Variants in ANKRD17 observed in about 807,000 individuals in gnomAD.
The protein encoded by ANKRD17 is ankyrin repeat domain-containing protein 17.
A neutral mutation model predicts 229.7 loss-of-function variants in ANKRD17; 19 were observed. That is an observed-to-expected ratio of 0.08 (90% CI 0.06 to 0.12). The LOEUF (loss-of-function observed/expected upper bound fraction) is 0.12. Ranked by LOEUF, ANKRD17 falls within the 10% of genes least tolerant of loss-of-function variation. The pLI, the probability that ANKRD17 is intolerant of heterozygous loss-of-function variation, is 1.00. For missense variants in ANKRD17, 2,176 were observed against 3,176.8 expected (o/e 0.68, Z 7.57); for synonymous variants, 1,112 against 1,146.1 (o/e 0.97, Z 0.60).
At chr4:73,121,421 A>C (rs1416796819) in intron 19 of ANKRD17, among the ~76,000 whole-genome samples, 196 bp downstream of exon 19, 1 of 152,222 alleles carries the variant, frequency 6.6e-6, no homozygotes, top group Admixed American at 6.5e-5. Flanking sequence ...CATAAGAAAC[A>C]GTACTCAATA....
intron 30 of ANKRD17, among the ~76,000 whole-genome samples, chr4:73,079,864 C>T (rs773206126): frequency 6.6e-6 from 1 of 152,160 alleles, no homozygotes; most frequent in African/African-American, 2.4e-5. Context: ...CCTGTAATCA[C>T]AGCACTTTGG....
intron 1 of ANKRD17, among the ~76,000 whole-genome samples, chr4:73,229,603 T>G (rs1046584221): frequency 6.6e-6 from 1 of 150,884 alleles, no homozygotes; most frequent in Non-Finnish European, 1.5e-5. Flanking sequence ...TTCAATTGAT[T>G]ATTTAAAAAA....
intron 16 of ANKRD17, among the ~76,000 whole-genome samples, chr4:73,129,727 A>C (rs907945262): frequency 9.2e-5 from 14 of 151,618 alleles, no homozygotes; most frequent in Admixed American, 9.2e-4. Flanking sequence ...CAACAACAAC[A>C]ACAACAACAA....
intron 1 of ANKRD17, among the ~76,000 whole-genome samples, chr4:73,179,518 A>ATTTTTTTTTT (rs56182757): frequency 2.0e-4 from 8 of 40,784 alleles, no homozygotes; most frequent in South Asian, 1.5e-3. Context: ...ATATATATAT[A>ATTTTTTTTTT]TTTTTTTTTT....
At position 73,074,120 on chromosome 4, in the gene ANKRD17, G is replaced by A. The variant is rs903620806; in HGVS notation, c.*2111C>T. 6.6e-6 allele frequency: 1 copy of A among 151,828 alleles called. No individual in the cohort carries two copies. The highest frequency in any genetic ancestry group is 1.5e-5 in the Non-Finnish European group (1 of 67,856). The allele number at this position is 151,828 out of a possible 1,614,324, so 9.4% of individuals were successfully genotyped here. ...AAGCCTGATCCCCAAGACTAAATACGGAGCATTTCAATCTATATCCCCTGG... is the reference window on the plus strand; with the variant it reads ...AAGCCTGATCCCCAAGACTAAATACAGAGCATTTCAATCTATATCCCCTGG... On this transcript the variant is annotated 3_prime_UTR_variant, in exon 34 of 34. Transcript: ENST00000358602.
chr4:73,181,089 C>T (rs1250957011), intron 1 of ANKRD17, among the ~76,000 whole-genome samples: 1 of 152,058 alleles, frequency 6.6e-6, no homozygotes, highest in Non-Finnish European at 1.5e-5. Flanking sequence ...TTCTAAAAGG[C>T]TCTAGTGTAT....
intron 2 of ANKRD17, among the ~76,000 whole-genome samples, chr4:73,165,009 C>T (rs1198421398): frequency 6.6e-6 from 1 of 151,784 alleles, no homozygotes; most frequent in African/African-American, 2.4e-5. Context: ...TTATGTTCCT[C>T]TCAGAACTTA....
intron 2 of ANKRD17, among the ~76,000 whole-genome samples, chr4:73,164,865 A>G (rs1205688196): frequency 6.6e-6 from 1 of 150,848 alleles, no homozygotes; most frequent in African/African-American, 2.4e-5. Flanking sequence ...ATTGAACAAC[A>G]AAACCATAGA....
chr4:73,142,102 A>T, intron 13 of ANKRD17, 140 bp downstream of exon 13: 7 of 921,012 alleles, frequency 7.6e-6, no homozygotes, highest in Non-Finnish European at 9.3e-6. Flanking sequence ...CCAGATGTTC[A>T]TTAACTGTAT....
chr4:73,098,004 C>T, intron 26 of ANKRD17, 69 bp downstream of exon 26: 1 of 1,430,562 alleles, frequency 7.0e-7, no homozygotes, highest in Non-Finnish European at 9.4e-7. Flanking sequence ...ACTTTCTTTA[C>T]CAACAAATTC....
At chr4:73,243,974 G>A (rs1040366102) in intron 1 of ANKRD17, among the ~76,000 whole-genome samples, 2 of 152,086 alleles carry the variant, frequency 1.3e-5, no homozygotes, top group African/African-American at 4.8e-5. Flanking sequence ...TCACAGTTCT[G>A]GAGACTGTAA....
chr4:73,113,781 A>T lies in ANKRD17; in HGVS notation c.4401+11T>A. On this transcript the variant is annotated intron_variant, in intron 24 of 33. Coordinates refer to ENST00000358602, the MANE Select transcript of ANKRD17 (RefSeq NM_032217.5). ...AAGTGGGTAGTTTTCATGTGTAAAG[A>T]TTATTGTTACCTTTTCCAAGTCTAA... 1.9e-6 allele frequency: 3 copies of T among 1,598,516 alleles called. No individual in the cohort carries two copies. In the South Asian group the frequency reaches 3.3e-5, roughly 18 times the overall value.
intron 2 of ANKRD17, among the ~76,000 whole-genome samples, chr4:73,175,986 A>G (rs1734682540): frequency 6.7e-6 from 1 of 150,308 alleles, no homozygotes. Context: ...GCTTCTGCAC[A>G]GGAAAAAAAA....
At chr4:73,173,866 G>C (rs1734364874) in intron 2 of ANKRD17, among the ~76,000 whole-genome samples, 1 of 152,136 alleles carries the variant, frequency 6.6e-6, no homozygotes, top group African/African-American at 2.4e-5. Context: ...GGCCCTCAGG[G>C]AAGGCAGCTA....
intron 24 of ANKRD17, among the ~76,000 whole-genome samples, chr4:73,110,719 T>A (rs904276549): frequency 6.6e-6 from 1 of 152,188 alleles, no homozygotes; most frequent in Non-Finnish European, 1.5e-5. Flanking sequence ...AATAAAAATA[T>A]GGGCTGTAGT....
chr4:73,110,843 G>A (rs928740218), intron 24 of ANKRD17, among the ~76,000 whole-genome samples: 1 of 152,110 alleles, frequency 6.6e-6, no homozygotes, highest in Non-Finnish European at 1.5e-5. Context: ...AGATAGAATT[G>A]ATTAATGATT....
chr4:73,241,762 C>A (rs1187740714), intron 1 of ANKRD17, among the ~76,000 whole-genome samples: 4 of 151,984 alleles, frequency 2.6e-5, no homozygotes, highest in African/African-American at 7.2e-5. Flanking sequence ...CATGAATAAT[C>A]TTCATAGAAA....
Position 73,098,142 on chromosome 4 carries a change from T to C in ANKRD17, c.4952A>G (p.Lys1651Arg), listed in dbSNP as rs1465859927. Residue 1651 changes from lysine (K) to arginine (R), a missense_variant, in exon 26 of 34, where the codon AAG (lysine) becomes AGG (arginine). Lys to Arg is a conservative substitution (Grantham distance 26, BLOSUM62 2). Transcript: ENST00000358602. ...AVVTTTVSSK[K>R]QPSVLVTFPK... The stretch of plus-strand genomic sequence containing the variant: ...AAATGTAACAAGAACTGATGGCTGC[T>C]TTTTGCTGCTCACAGTGGTAGTGAC... The C allele has an allele frequency of 1.9e-6, 3 of 1,613,874 alleles. No individual in the cohort carries two copies. Among genetic ancestry groups the C allele is most frequent in the East Asian group, 4.5e-5 (2 of 44,876 alleles).
intron 12 of ANKRD17, 49 bp from the exon 13 acceptor site, chr4:73,142,434 A>T: frequency 1.3e-6 from 2 of 1,581,410 alleles, no homozygotes; most frequent in Non-Finnish European, 1.7e-6. Flanking sequence ...AAAATAAGTT[A>T]GTTTACAGAA....
Sources: gnomAD v4.1 joint callset for allele counts (sites outside exome capture counted in the v4.1 genomes callset) on GRCh38, gnomAD v4.1.1 for gene constraint, MANE v1.5 for transcripts, NCBI Gene and HGNC (gene_info 2026-07-23, HGNC 2026-07-21) for gene names.